The following KPNA5 variants were observed in gnomAD, a reference collection of about 807,000 sequenced individuals.
KPNA5 encodes the protein karyopherin subunit alpha 5, also known as importin subunit alpha-6.
In KPNA5, 46 loss-of-function variants were observed where a neutral mutation model predicts 71.3. The ratio of observed to expected loss-of-function variants is 0.65; its 90% CI spans 0.51 to 0.83. The LOEUF (loss-of-function observed/expected upper bound fraction) is 0.83, where lower values mean the gene tolerates loss of function less well. Ranked by LOEUF, KPNA5 falls within the 40% of genes least tolerant of loss-of-function variation. The pLI, the probability that KPNA5 is intolerant of heterozygous loss-of-function variation, is 0.00. For synonymous variants in KPNA5, 207 were observed against 201.4 expected, an observed-to-expected ratio of 1.03 and a Z score of -0.24; for missense variants, 547 against 628.3, an observed-to-expected ratio of 0.87 and a Z score of 1.38.
At chr6:116,702,229 AATTC>A in intron 6 of KPNA5, 79 bp downstream of exon 6, 1 of 1,459,282 alleles carries the variant, frequency 6.9e-7, no homozygotes, top group Non-Finnish European at 9.3e-7. Context: ...TACGATGTGT[AATTC>A]ATTTTTGTTT....
At chr6:116,694,974 A>T (rs1254949707) in intron 4 of KPNA5, among the ~76,000 whole-genome samples, 1 of 151,974 alleles carries the variant, frequency 6.6e-6, no homozygotes, top group Non-Finnish European at 1.5e-5. Context: ...TTTTGAGACA[A>T]CATCTCACTC....
At chr6:116,701,719 G>A (rs891583701) in intron 5 of KPNA5, among the ~76,000 whole-genome samples, 1 of 152,044 alleles carries the variant, frequency 6.6e-6, no homozygotes, top group Non-Finnish European at 1.5e-5. Context: ...ATAAACAGGA[G>A]TTTTATGCAT....
intron 8 of KPNA5, among the ~76,000 whole-genome samples, chr6:116,717,957 C>G (rs150695328): frequency 1.0e-3 from 154 of 152,288 alleles, no homozygotes; most frequent in African/African-American, 3.4e-3. Context: ...AGTTGCATCT[C>G]CTTGGTGCCT....
chr6:116,711,812 A>G (rs1480525731), intron 7 of KPNA5, among the ~76,000 whole-genome samples: 2 of 151,898 alleles, frequency 1.3e-5, no homozygotes, highest in South Asian at 2.1e-4. Context: ...AGTAGAAATG[A>G]GGTTTTGCCA....
Position 116,722,281 on chromosome 6 carries a change from AC to A in KPNA5, c.913del (p.Leu305PhefsTer2), listed in dbSNP as rs1779137349. 6.2e-7 allele frequency: 1 copy of A among 1,605,104 alleles called. No homozygotes were observed. Among genetic ancestry groups the A allele is most frequent in the African/African-American group, 1.3e-5 (1 of 74,596 alleles). ...DSGVCRRLVELLMHNDYKVVS... is the reference protein window; with the variant it reads ...DSGVCRRLVEXLMHNDYKVVS... Reference sequence around the variant, plus strand: ...CTGGAGTCTGTCGAAGATTGGTGGAACTTTTGATGTAACTATAAATAATTTA... The same window carrying A: ...CTGGAGTCTGTCGAAGATTGGTGGAATTTTGATGTAACTATAAATAATTTA... On this transcript the variant is annotated frameshift_variant, in exon 9 of 14. Coordinates refer to ENST00000368564, the MANE Select transcript of KPNA5 (RefSeq NM_001366306.2). LOFTEE classifies it high-confidence loss of function.
At chr6:116,730,975 A>AT (rs1779461524) in intron 13 of KPNA5, among the ~76,000 whole-genome samples, 1 of 152,020 alleles carries the variant, frequency 6.6e-6, no homozygotes, top group Non-Finnish European at 1.5e-5. Context: ...TATTTTAATA[A>AT]AACATACCAT....
At chr6:116,700,212 C>T (rs949700737) in intron 5 of KPNA5, among the ~76,000 whole-genome samples, 40 of 152,106 alleles carry the variant, frequency 2.6e-4, no homozygotes, top group African/African-American at 9.2e-4. Flanking sequence ...TGACTCACAC[C>T]TGTAATCCCA....
chr6:116,717,160 G>A lies in KPNA5; in HGVS notation c.756+842G>A, dbSNP rs186051109. Among the ~76,000 whole-genome samples the A allele has an allele frequency of 4.0e-3, 603 of 152,232 alleles. 15 individuals carry two copies. The South Asian group carries it at 0.041, about 10-fold the overall frequency. The stretch of plus-strand genomic sequence containing the variant: ...GGTAGTACATTTTGATACTACTGCC[G>A]TGATTTGTGCTAACATGCCAACAGT... On this transcript the variant is annotated intron_variant, in intron 8 of 13. Transcript: ENST00000368564.
At chr6:116,712,868 G>A (rs545659901) in intron 7 of KPNA5, among the ~76,000 whole-genome samples, 38 of 150,908 alleles carry the variant, frequency 2.5e-4, no homozygotes, top group African/African-American at 8.3e-4. Context: ...TTTTTTTAAT[G>A]TACCCTAAGG....
intron 7 of KPNA5, among the ~76,000 whole-genome samples, chr6:116,710,894 T>TATATATATATATATATGTA (rs57807333): frequency 2.5e-5 from 2 of 79,384 alleles, no homozygotes; most frequent in African/African-American, 1.3e-4. Context: ...TATATATATA[T>TATATATATATATATATGTA]TTTTTTTTTT....
At chr6:116,695,788 A>G (rs1778004324) in intron 4 of KPNA5, among the ~76,000 whole-genome samples, 1 of 152,152 alleles carries the variant, frequency 6.6e-6, no homozygotes, top group Non-Finnish European at 1.5e-5. Context: ...GAGTCAGATT[A>G]ATATTTTTAA....
intron 6 of KPNA5, 126 bp downstream of exon 6, chr6:116,702,276 G>T: frequency 2.1e-6 from 2 of 934,816 alleles, no homozygotes; most frequent in Non-Finnish European, 1.6e-6. Context: ...AATTGTAGTA[G>T]TGTTTTGGTG....
At chr6:116,699,412 G>A (rs544540172) in intron 5 of KPNA5, among the ~76,000 whole-genome samples, 2 of 152,256 alleles carry the variant, frequency 1.3e-5, no homozygotes, top group African/African-American at 4.8e-5. Context: ...TTAAGTCAGA[G>A]TACAGGTTGG....
At chr6:116,731,403 A>G (rs1204888728) in intron 13 of KPNA5, among the ~76,000 whole-genome samples, 3 of 152,162 alleles carry the variant, frequency 2.0e-5, no homozygotes, top group African/African-American at 7.2e-5. Context: ...GGTTTGAGCT[A>G]TTCTGTGATT....
At chr6:116,690,615 C>A (rs886599021) in intron 2 of KPNA5, among the ~76,000 whole-genome samples, 3 of 149,876 alleles carry the variant, frequency 2.0e-5, no homozygotes, top group African/African-American at 7.4e-5. Context: ...TGCACTCCAG[C>A]CTGGGCGACA....
chr6:116,707,878 A>G (rs1778507964), intron 7 of KPNA5, among the ~76,000 whole-genome samples: 1 of 152,186 alleles, frequency 6.6e-6, no homozygotes, highest in Non-Finnish European at 1.5e-5. Flanking sequence ...TTTTTTTACC[A>G]CCTTAAACAG....
rs78386228 is a variant in KPNA5 at position 116,708,016 on chromosome 6, C to T, written c.656+2856C>T. ...ATAAGTGGAATCATACAATATATTA[C>T]CTTTGTGTCTGGCTTCTTTTAGCTT... On this transcript the variant is annotated intron_variant, in intron 7 of 13. Coordinates refer to ENST00000368564, the MANE Select transcript of KPNA5 (RefSeq NM_001366306.2). Among the ~76,000 whole-genome samples the T allele has an allele frequency of 7.3e-3, 1,115 of 152,264 alleles. 18 individuals are homozygous for T. The highest frequency in any genetic ancestry group is 0.024 in the African/African-American group (987 of 41,556).
chr6:116,737,971 G>A lies in KPNA5; in HGVS notation c.*5648G>A, dbSNP rs1779731934. On this transcript the variant is annotated 3_prime_UTR_variant, in exon 14 of 14. Coordinates refer to ENST00000368564, the MANE Select transcript of KPNA5 (RefSeq NM_001366306.2). ...CCCTAAACATTTAAGGTTGTTAAAT[G>A]TTTAATTTGGGAAGGCTAAAAATTT... The A allele has an allele frequency of 1.3e-5, 2 of 151,788 alleles. No individual in the cohort carries two copies. Among genetic ancestry groups the A allele is most frequent in the Non-Finnish European group, 1.5e-5 (1 of 67,878 alleles). 9.4% of individuals were successfully genotyped at this position (151,788 alleles called of 1,614,324 possible). A position where few individuals can be genotyped will look rare whatever the true frequency, so the allele number is the denominator to read the frequency against.
At chr6:116,698,265 C>T (rs1303808359) in intron 4 of KPNA5, among the ~76,000 whole-genome samples, 2 of 151,888 alleles carry the variant, frequency 1.3e-5, no homozygotes, top group South Asian at 2.1e-4. Flanking sequence ...AAATAATTCA[C>T]GGACAAAAAA....
Sources: allele counts gnomAD v4.1 joint callset (sites outside exome capture counted in the v4.1 genomes callset), GRCh38; gene constraint gnomAD v4.1.1; transcripts MANE v1.5; gene names NCBI Gene and HGNC (gene_info 2026-07-23, HGNC 2026-07-21).